Variants in GPC6 observed in about 807,000 individuals in gnomAD.
GPC6 encodes glypican 6, also known as glypican-6.
A neutral mutation model predicts 55.2 loss-of-function variants in GPC6; 14 were observed. The ratio of observed to expected loss-of-function variants is 0.25; its 90% CI spans 0.17 to 0.40. GPC6 has a LOEUF of 0.40. Ranked by LOEUF, GPC6 falls within the 10% of genes least tolerant of loss-of-function variation. The pLI is 1.00. For synonymous variants in GPC6, 278 were observed against 259.6 expected (o/e 1.07, Z -0.68); for missense variants, 641 against 708.5 (o/e 0.90, Z 1.08).
At position 93,284,750 on chromosome 13, in the gene GPC6, GAC is replaced by G. The variant is rs373826947; in HGVS notation, c.160+57138_160+57139del. 2.2e-3 allele frequency among the ~76,000 whole-genome samples: 332 copies of G among 152,264 alleles called. 1 individual carries two copies. Among genetic ancestry groups the G allele is most frequent in the African/African-American group, 7.1e-3 (295 of 41,552 alleles). On this transcript the variant is annotated intron_variant, in intron 1 of 8. Transcript: ENST00000377047. ...TGCCTACTGTGTGCCAAGTGCTGGAGACACAGTGTTGATCAAAACAGCTTAGT... is the reference window on the plus strand; with the variant it reads ...TGCCTACTGTGTGCCAAGTGCTGGAGACAGTGTTGATCAAAACAGCTTAGT...
At chr13:93,879,320 A>G (rs1440112974) in intron 3 of GPC6, among the ~76,000 whole-genome samples, 4 of 152,160 alleles carry the variant, frequency 2.6e-5, no homozygotes, top group African/African-American at 9.7e-5. Context: ...ACTATACTAC[A>G]AGGCTACAGT....
At chr13:93,668,706 G>T (rs886305151) in intron 2 of GPC6, among the ~76,000 whole-genome samples, 3 of 152,174 alleles carry the variant, frequency 2.0e-5, no homozygotes, top group Admixed American at 1.3e-4. Flanking sequence ...GGCACAGAAA[G>T]ATCCTTCCCT....
chr13:93,229,726 T>A (rs193261767), intron 1 of GPC6, among the ~76,000 whole-genome samples: 18 of 151,950 alleles, frequency 1.2e-4, no homozygotes, highest in Admixed American at 5.9e-4. Flanking sequence ...TTTTTTTTTT[T>A]AAACTCACCT....
chr13:94,293,315 A>T (rs764795528), intron 5 of GPC6, among the ~76,000 whole-genome samples: 4 of 152,150 alleles, frequency 2.6e-5, no homozygotes, highest in Non-Finnish European at 4.4e-5. Flanking sequence ...AGGTGATTGG[A>T]TTACGGGGGC....
rs558206658 is a variant in GPC6, at chr13:94,404,367, T to A, written c.*1150T>A. On this transcript the variant is annotated 3_prime_UTR_variant, in exon 9 of 9. Coordinates refer to ENST00000377047, the MANE Select transcript of GPC6 (RefSeq NM_005708.5). ...TTTCACTTTTTTAGTCTTAGTATGA[T>A]CATCTATTTTTATATCTATGTATAT... 2.0e-5 allele frequency: 3 copies of A among 152,280 alleles called. No homozygotes were observed. The highest frequency in any genetic ancestry group is 7.2e-5 in the African/African-American group (3 of 41,556). 9.4% of individuals were successfully genotyped at this position (152,280 alleles called of 1,614,324 possible).
intron 1 of GPC6, among the ~76,000 whole-genome samples, chr13:93,229,539 TA>T (rs1875938813): frequency 6.6e-6 from 1 of 152,234 alleles, no homozygotes; most frequent in Non-Finnish European, 1.5e-5. Flanking sequence ...ATTTTCAGTG[TA>T]AAACAATTTC....
chr13:93,627,734 G>T (rs1248874958), intron 2 of GPC6, among the ~76,000 whole-genome samples: 1 of 152,128 alleles, frequency 6.6e-6, no homozygotes, highest in Non-Finnish European at 1.5e-5. Flanking sequence ...ACAGTGCTGT[G>T]CATCTAGCTC....
intron 2 of GPC6, among the ~76,000 whole-genome samples, chr13:93,692,804 C>T (rs1882304616): frequency 6.6e-6 from 1 of 151,948 alleles, no homozygotes; most frequent in African/African-American, 2.4e-5. Flanking sequence ...TTTATATAAT[C>T]AGTAACACAT....
At chr13:94,060,330 T>C (rs1884276289) in intron 4 of GPC6, among the ~76,000 whole-genome samples, 1 of 152,198 alleles carries the variant, frequency 6.6e-6, no homozygotes, top group South Asian at 2.1e-4. Flanking sequence ...TGCTGAAATA[T>C]AAGCTCCATG....
At chr13:93,821,358 T>C (rs905169449) in intron 2 of GPC6, among the ~76,000 whole-genome samples, 2 of 152,282 alleles carry the variant, frequency 1.3e-5, no homozygotes, top group Middle Eastern at 6.8e-3. Flanking sequence ...AATAATGTTA[T>C]AGGGATGAGG....
intron 1 of GPC6, among the ~76,000 whole-genome samples, chr13:93,400,838 T>G (rs1876043935): frequency 1.3e-5 from 2 of 152,144 alleles, no homozygotes; most frequent in Admixed American, 6.6e-5. Flanking sequence ...AGGGGTTTGA[T>G]GCAGAGCTGG....
At chr13:93,380,712 G>A (rs548193918) in intron 1 of GPC6, among the ~76,000 whole-genome samples, 82 of 152,218 alleles carry the variant, frequency 5.4e-4, no homozygotes, top group African/African-American at 1.8e-3. Flanking sequence ...CAGGCAAATT[G>A]TTGGTGATAT....
At chr13:93,762,555 G>T (rs1464096966) in intron 2 of GPC6, among the ~76,000 whole-genome samples, 2 of 152,220 alleles carry the variant, frequency 1.3e-5, no homozygotes, top group Non-Finnish European at 2.9e-5. Context: ...GAAGGAGAAA[G>T]AAGCTACTGA....
At chr13:93,366,068 G>A (rs1881236731) in intron 1 of GPC6, among the ~76,000 whole-genome samples, 1 of 152,016 alleles carries the variant, frequency 6.6e-6, no homozygotes, top group Admixed American at 6.6e-5. Flanking sequence ...TATATCTCTG[G>A]TCAGAGTGTC....
chr13:93,721,820 A>T (rs1000927486), intron 2 of GPC6, among the ~76,000 whole-genome samples: 1 of 151,766 alleles, frequency 6.6e-6, no homozygotes, highest in Non-Finnish European at 1.5e-5. Flanking sequence ...AATAATATTG[A>T]TCATGACATC....
Position 94,191,609 on chromosome 13 carries a change from G to GA in GPC6, c.878-94727dup, listed in dbSNP as rs111423235. 4.7e-3 allele frequency among the ~76,000 whole-genome samples: 659 copies of GA among 138,874 alleles called. 3 individuals carry two copies. Among genetic ancestry groups the GA allele is most frequent in the African/African-American group, 0.012 (450 of 38,938 alleles). 91.1% of individuals were successfully genotyped at this position (138,874 alleles called of 152,430 possible). A position where few individuals can be genotyped will look rare whatever the true frequency, so the allele number is the denominator to read the frequency against. ...AGGAAACAAGAAATATCTTAAGCTG[G>GA]AAAAAAAAAAAAATAATAGTAGAGG... is the stretch of plus-strand genomic sequence containing the variant. On this transcript the variant is annotated intron_variant, in intron 4 of 8. Transcript: ENST00000377047.
At chr13:94,033,148 T>C (rs933478689) in intron 4 of GPC6, among the ~76,000 whole-genome samples, 2 of 152,228 alleles carry the variant, frequency 1.3e-5, no homozygotes, top group African/African-American at 4.8e-5. Context: ...TTTTACTTTG[T>C]AAGTCTTTTC....
At chr13:94,045,486 C>T (rs1158154386) in intron 4 of GPC6, among the ~76,000 whole-genome samples, 1 of 151,770 alleles carries the variant, frequency 6.6e-6, no homozygotes, top group African/African-American at 2.4e-5. Flanking sequence ...GTATGAAACA[C>T]TGACATAGAA....
At chr13:93,893,191 C>G (rs1768401664) in intron 3 of GPC6, among the ~76,000 whole-genome samples, 1 of 151,796 alleles carries the variant, frequency 6.6e-6, no homozygotes, top group Admixed American at 6.6e-5. Context: ...TTCCGAATAG[C>G]TGGGATCACA....
Sources: gnomAD v4.1 joint callset for allele counts (sites outside exome capture counted in the v4.1 genomes callset) on GRCh38, gnomAD v4.1.1 for gene constraint, MANE v1.5 for transcripts, NCBI Gene and HGNC (gene_info 2026-07-23, HGNC 2026-07-21) for gene names.